FRYL: variants seen among roughly 807,000 people sequenced by gnomAD.
FRYL encodes the protein protein furry homolog-like.
FRYL carries 150 observed loss-of-function variants against 351.2 expected under a neutral mutation model. The observed-to-expected ratio is 0.43, with a 90% CI of 0.37 to 0.49. FRYL has a LOEUF of 0.49. FRYL is among the 20% of genes least tolerant of loss of function. The pLI, the probability that FRYL is intolerant of heterozygous loss-of-function variation, is 0.00. For missense variants in FRYL, 3,036 were observed against 3,619.3 expected (o/e 0.84, Z 4.13); for synonymous variants, 1,153 against 1,257.1 (o/e 0.92, Z 1.75).
rs751838773 is a variant in FRYL, at chr4:48,581,448, G to T, written c.2144C>A (p.Ala715Asp). The change falls in exon 21 of 64, where the codon GCT becomes GAT. Residue 715 changes from alanine (A) to aspartate (D), a missense_variant. Transcript: ENST00000358350. Reference sequence around the variant, plus strand: ...AGGTATTTCCAGAAGTGCAAATAAAGCCCGTATTTCTCTAAGGACACTGAC... The same window carrying T: ...AGGTATTTCCAGAAGTGCAAATAAATCCCGTATTTCTCTAAGGACACTGAC... ...LAVSVLREIRALFALLEIPKG... is the reference protein window; with the variant it reads ...LAVSVLREIRDLFALLEIPKG... The T allele has an allele frequency of 3.1e-6, 5 of 1,608,348 alleles. No homozygotes were observed. The highest frequency in any genetic ancestry group is 4.2e-6 in the Non-Finnish European group (5 of 1,178,450).
At chr4:48,530,807 G>T (rs917141407) in intron 50 of FRYL, among the ~76,000 whole-genome samples, 1 of 152,096 alleles carries the variant, frequency 6.6e-6, no homozygotes, top group East Asian at 1.9e-4. Context: ...TCAGATGTTG[G>T]TTCCTTTCTG....
Position 48,577,951 on chromosome 4 carries a change from C to T in FRYL, c.2528+1022G>A, listed in dbSNP as rs549040795. 1.7e-4 allele frequency among the ~76,000 whole-genome samples: 26 copies of T among 149,974 alleles called. No homozygotes were observed. The South Asian group carries it at 4.9e-3, about 28-fold the overall frequency. On this transcript the variant is annotated intron_variant, in intron 23 of 63. Coordinates refer to ENST00000358350, the MANE Select transcript of FRYL (RefSeq NM_015030.2). ...CACAATACCTGAGAACATATATATA[C>T]AATTAGCATGTATATGTAGAAATAT... is the stretch of plus-strand genomic sequence containing the variant.
intron 2 of FRYL, among the ~76,000 whole-genome samples, chr4:48,709,079 C>T (rs1254078855): frequency 6.6e-6 from 1 of 151,944 alleles, no homozygotes. Context: ...CGCCACCACG[C>T]CTGGCTAATT....
intron 16 of FRYL, among the ~76,000 whole-genome samples, chr4:48,592,439 T>C (rs1743612489): frequency 6.6e-6 from 1 of 151,988 alleles, no homozygotes; most frequent in Non-Finnish European, 1.5e-5. Context: ...AAAGTAAACC[T>C]AATAAATAAC....
At chr4:48,651,659 G>C (rs1373819891) in intron 3 of FRYL, among the ~76,000 whole-genome samples, 1 of 152,122 alleles carries the variant, frequency 6.6e-6, no homozygotes, top group Non-Finnish European at 1.5e-5. Flanking sequence ...CAGCACAGTA[G>C]CATACGCTCT....
At chr4:48,508,101 CAT>C (rs1333021369) in intron 59 of FRYL, among the ~76,000 whole-genome samples, 1 of 152,132 alleles carries the variant, frequency 6.6e-6, no homozygotes, top group Non-Finnish European at 1.5e-5. Context: ...ACAGTGCAAA[CAT>C]AGCCATGGAC....
At chr4:48,701,698 T>C (rs999980514) in intron 2 of FRYL, among the ~76,000 whole-genome samples, 1 of 152,228 alleles carries the variant, frequency 6.6e-6, no homozygotes, top group African/African-American at 2.4e-5. Context: ...ACATTTACTC[T>C]AGAAAGATAC....
chr4:48,642,901 T>C (rs1755611801), intron 3 of FRYL, among the ~76,000 whole-genome samples: 1 of 152,180 alleles, frequency 6.6e-6, no homozygotes, highest in Non-Finnish European at 1.5e-5. Context: ...CTACTCATGA[T>C]GGTTATAATC....
rs765424621 is a variant in FRYL, at chr4:48,546,068, T to C, written c.5278A>G (p.Arg1760Gly). The C allele has an allele frequency of 1.9e-6, 3 of 1,612,072 alleles. No homozygotes were observed. Among genetic ancestry groups the C allele is most frequent in the Non-Finnish European group, 1.7e-6 (2 of 1,178,964 alleles). Residue 1760 changes from arginine to glycine, a missense_variant and splice_region_variant, in exon 42 of 64, where the codon AGA becomes GGA. By Grantham distance (125) the Arg-to-Gly change is moderately radical. Around this residue, in one of 7 missense-constraint regions of FRYL, gnomAD observed 1,987 missense variants for 2,311.7 expected, o/e 0.86. Transcript: ENST00000358350. ...GATGATAAGAGCTGCCAGTGTTACC[T>C]TGAGGTAATGAATTCCATGAGGGTT... is the stretch of plus-strand genomic sequence containing the variant. ...VKTLMEFITS[R>G]KRGPLWNHED...
intron 1 of FRYL, among the ~76,000 whole-genome samples, chr4:48,778,507 T>C (rs969068109): frequency 1.3e-5 from 2 of 152,240 alleles, no homozygotes; most frequent in Non-Finnish European, 2.9e-5. Context: ...TTTATACGGT[T>C]GTAACTTGCA....
intron 50 of FRYL, 48 bp from the exon 51 acceptor site, chr4:48,528,384 A>G (rs1260976118): frequency 6.7e-7 from 1 of 1,501,226 alleles, no homozygotes; most frequent in Non-Finnish European, 9.0e-7. Context: ...TTTCAACATA[A>G]AAGAAACTTA....
At chr4:48,697,723 C>T (rs891733541) in intron 2 of FRYL, among the ~76,000 whole-genome samples, 3 of 152,160 alleles carry the variant, frequency 2.0e-5, no homozygotes, top group Non-Finnish European at 2.9e-5. Flanking sequence ...AGGTGATCCA[C>T]CCGCATGGGC....
intron 1 of FRYL, among the ~76,000 whole-genome samples, chr4:48,755,071 A>G (rs112536961): frequency 6.6e-6 from 1 of 152,258 alleles, no homozygotes; most frequent in Admixed American, 6.5e-5. Context: ...TCCTCCTTCT[A>G]TTAGTCTAGA....
At position 48,550,653 on chromosome 4, in the gene FRYL, T is replaced by C. The variant is rs368152470; in HGVS notation, c.4572A>G (p.Gln1524=). The C allele has an allele frequency of 1.2e-4, 187 of 1,614,160 alleles. 2 individuals are homozygous for C. In the African/African-American group the frequency reaches 1.5e-3, roughly 13 times the overall value. The change falls in exon 38 of 64, where the codon CAA becomes CAG. Residue 1524 remains glutamine, a synonymous_variant. Transcript: ENST00000358350. ...TGTATCGGGATTCTAGTCTGTGATG[T>C]TGCCGATTCAAATGACTGTTTAGTC... is the stretch of plus-strand genomic sequence containing the variant. ...YSGLNSHLNR[Q]HHRLESRYSS...
intron 1 of FRYL, among the ~76,000 whole-genome samples, chr4:48,730,446 T>C (rs1379671764): frequency 6.6e-6 from 1 of 151,896 alleles, no homozygotes; most frequent in Non-Finnish European, 1.5e-5. Flanking sequence ...TTCACCAAGG[T>C]TGAAATGAAG....
chr4:48,531,098 T>A (rs945912031), intron 50 of FRYL, 58 bp downstream of exon 50: 2 of 1,107,822 alleles, frequency 1.8e-6, no homozygotes, highest in Middle Eastern at 2.8e-4. Flanking sequence ...AAAGAATGAA[T>A]AAATAAACAA....
At chr4:48,664,742 A>G (rs747451572) in intron 3 of FRYL, among the ~76,000 whole-genome samples, 21 of 152,258 alleles carry the variant, frequency 1.4e-4, no homozygotes, top group Non-Finnish European at 3.1e-4. Context: ...TTGCTAGCCA[A>G]CAATAACCAC....
At chr4:48,628,433 T>TGC (rs1201638730) in intron 4 of FRYL, among the ~76,000 whole-genome samples, 1 of 145,112 alleles carries the variant, frequency 6.9e-6, no homozygotes, top group Non-Finnish European at 1.5e-5. Flanking sequence ...TTCATTTGCG[T>TGC]GTGTGTGTGT....
At chr4:48,667,829 G>A (rs749727859) in intron 3 of FRYL, among the ~76,000 whole-genome samples, 1 of 152,136 alleles carries the variant, frequency 6.6e-6, no homozygotes, top group Non-Finnish European at 1.5e-5. Context: ...TATATTTTTA[G>A]TAGAGACAGG....
Sources: allele counts gnomAD v4.1 joint callset (sites outside exome capture counted in the v4.1 genomes callset), GRCh38; gene constraint gnomAD v4.1.1; regional missense constraint gnomAD v4.1.1; transcripts MANE v1.5; gene names NCBI Gene and HGNC (gene_info 2026-07-23, HGNC 2026-07-21).